NCK2: variants seen among roughly 807,000 people sequenced by gnomAD.
NCK2 encodes NCK adaptor protein 2.
A neutral mutation model predicts 33.9 loss-of-function variants in NCK2; 16 were observed. The observed-to-expected ratio is 0.47, with a 90% confidence interval of 0.32 to 0.72. NCK2 has a LOEUF of 0.72. Ranked by LOEUF, NCK2 falls within the 30% of genes least tolerant of loss-of-function variation. NCK2 has a pLI of 0.03. For synonymous variants in NCK2, 273 were observed against 239.9 expected, an observed-to-expected ratio of 1.14 and a Z score of -1.27; for missense variants, 418 against 537.3, an observed-to-expected ratio of 0.78 and a Z score of 2.19.
At chr2:105,870,014 C>T (rs1481938903) in intron 3 of NCK2, among the ~76,000 whole-genome samples, 1 of 152,136 alleles carries the variant, frequency 6.6e-6, no homozygotes, top group Non-Finnish European at 1.5e-5. Context: ...GTTCAGAGCC[C>T]TGGACACAAG....
intron 1 of NCK2, among the ~76,000 whole-genome samples, chr2:105,801,774 A>G (rs1214906420): frequency 6.6e-6 from 1 of 151,816 alleles, no homozygotes; most frequent in Non-Finnish European, 1.5e-5. Flanking sequence ...CACTCGGGGG[A>G]ACAAAGTGAC....
intron 2 of NCK2, among the ~76,000 whole-genome samples, chr2:105,818,486 A>G (rs886124869): frequency 1.3e-5 from 2 of 152,200 alleles, no homozygotes; most frequent in South Asian, 4.1e-4. Flanking sequence ...TTTCCTGTAC[A>G]TCTTACTATC....
chr2:105,858,990 T>C (rs573712133), intron 3 of NCK2, among the ~76,000 whole-genome samples: 78 of 152,258 alleles, frequency 5.1e-4, no homozygotes, highest in African/African-American at 1.8e-3. Flanking sequence ...CAGAATCCAG[T>C]TGATGTTTTT....
chr2:105,819,865 A>G (rs1235617713), intron 2 of NCK2, among the ~76,000 whole-genome samples: 2 of 152,184 alleles, frequency 1.3e-5, no homozygotes, highest in South Asian at 2.1e-4. Context: ...TCTATTGTGA[A>G]CACCCCACCT....
intron 1 of NCK2, among the ~76,000 whole-genome samples, chr2:105,796,680 C>G (rs1360929382): frequency 6.6e-6 from 1 of 152,110 alleles, no homozygotes; most frequent in East Asian, 1.9e-4. Flanking sequence ...CAGAAGCTCT[C>G]GGCATCATGT....
At chr2:105,827,750 A>C (rs542282061) in intron 2 of NCK2, among the ~76,000 whole-genome samples, 2 of 152,346 alleles carry the variant, frequency 1.3e-5, no homozygotes, top group African/African-American at 4.8e-5. Flanking sequence ...AACATTCTCA[A>C]AATGACAAAA....
chr2:105,793,226 G>A (rs1467367302), intron 1 of NCK2, among the ~76,000 whole-genome samples: 3 of 151,798 alleles, frequency 2.0e-5, no homozygotes, highest in Non-Finnish European at 4.4e-5. Flanking sequence ...TATTTTCTGG[G>A]AATGGGTGGA....
chr2:105,778,000 G>C (rs1433099741), intron 1 of NCK2, among the ~76,000 whole-genome samples: 2 of 152,154 alleles, frequency 1.3e-5, no homozygotes, highest in South Asian at 2.1e-4. Flanking sequence ...GTCTCTCCTA[G>C]CTCCCTTATT....
intron 4 of NCK2, among the ~76,000 whole-genome samples, chr2:105,887,643 G>T (rs187792137): frequency 1.3e-5 from 2 of 152,128 alleles, no homozygotes; most frequent in African/African-American, 2.4e-5. Context: ...GAAGAAAATC[G>T]CATTAATACA....
In NCK2 at chr2:105,881,510, C is replaced by T; in HGVS notation, c.409C>T (p.Arg137Cys). The change falls in exon 4 of 5, where the codon CGC becomes TGC. Residue 137 changes from arginine to cysteine, a missense_variant. By Grantham distance (180) the Arg-to-Cys change is radical. Transcript: ENST00000233154. ...EDELSLVKGS[R>C]VTVMEKCSDG... ...TGAGTTGTCCCTGGTGAAGGGGTCGCGCGTCACCGTCATGGAGAAGTGCAG... is the reference window on the plus strand; with the variant it reads ...TGAGTTGTCCCTGGTGAAGGGGTCGTGCGTCACCGTCATGGAGAAGTGCAG... The T allele has an allele frequency of 1.2e-6, 2 of 1,614,010 alleles. No individual in the cohort carries two copies. Among genetic ancestry groups the T allele is most frequent in the African/African-American group, 2.7e-5 (2 of 75,068 alleles).
At chr2:105,772,791 T>G (rs1165087971) in intron 1 of NCK2, among the ~76,000 whole-genome samples, 1 of 152,056 alleles carries the variant, frequency 6.6e-6, no homozygotes, top group Non-Finnish European at 1.5e-5. Flanking sequence ...CTTCCTTTCA[T>G]CTGGGAACCA....
At position 105,809,980 on chromosome 2, in the gene NCK2, A is replaced by T. The variant is rs139704719; in HGVS notation, c.-200-6450A>T. On this transcript the variant is annotated intron_variant, in intron 1 of 4. Transcript: ENST00000233154. The stretch of plus-strand genomic sequence containing the variant: ...ACTCTGTTAGTAGTGGAGGGCTGTG[A>T]TGTCAGAATGGGCCTGAAAGGAGAG... Among the ~76,000 whole-genome samples the T allele has an allele frequency of 5.1e-3, 773 of 152,180 alleles. 7 individuals carry two copies. The highest frequency in any genetic ancestry group is 8.1e-3 in the Non-Finnish European group (550 of 68,000).
At chr2:105,810,496 AT>A (rs1216252472) in intron 1 of NCK2, among the ~76,000 whole-genome samples, 6 of 152,236 alleles carry the variant, frequency 3.9e-5, no homozygotes, top group East Asian at 3.9e-4. Context: ...TTTACAGTTT[AT>A]TTTTGTCAGC....
At chr2:105,811,465 C>T (rs1260095517) in intron 1 of NCK2, among the ~76,000 whole-genome samples, 1 of 152,160 alleles carries the variant, frequency 6.6e-6, no homozygotes, top group African/African-American at 2.4e-5. Flanking sequence ...TAAGCAGACC[C>T]TTAGAATGAC....
chr2:105,839,869 A>C (rs982861658), intron 2 of NCK2, among the ~76,000 whole-genome samples: 1 of 152,178 alleles, frequency 6.6e-6, no homozygotes, highest in Non-Finnish European at 1.5e-5. Flanking sequence ...CCAGAAAACT[A>C]AGAAGGAAGG....
intron 4 of NCK2, 142 bp downstream of exon 4, chr2:105,882,191 T>G (rs1450997786): frequency 7.9e-6 from 8 of 1,012,608 alleles, no homozygotes; most frequent in Non-Finnish European, 1.0e-5. Context: ...AGTATAATGT[T>G]TGCTACTCCG....
intron 1 of NCK2, among the ~76,000 whole-genome samples, chr2:105,788,791 C>G (rs949050575): frequency 2.0e-5 from 3 of 152,076 alleles, no homozygotes; most frequent in Non-Finnish European, 2.9e-5. Flanking sequence ...CAGTTACAAA[C>G]AAGCCACTGT....
At chr2:105,876,841 A>G (rs1290156086) in intron 3 of NCK2, among the ~76,000 whole-genome samples, 1 of 152,156 alleles carries the variant, frequency 6.6e-6, no homozygotes, top group Non-Finnish European at 1.5e-5. Flanking sequence ...TTTACCTACA[A>G]GGTAATGAGT....
intron 1 of NCK2, among the ~76,000 whole-genome samples, chr2:105,799,877 GA>G (rs1674758602): frequency 6.6e-6 from 1 of 152,106 alleles, no homozygotes; most frequent in Non-Finnish European, 1.5e-5. Flanking sequence ...GAATTTGATT[GA>G]AAATCATTAA....
Sources: gnomAD v4.1 joint callset for allele counts (sites outside exome capture counted in the v4.1 genomes callset) on GRCh38, gnomAD v4.1.1 for gene constraint, MANE v1.5 for transcripts, NCBI Gene and HGNC (gene_info 2026-07-23, HGNC 2026-07-21) for gene names.